Variants in NDST3 observed in about 807,000 individuals in gnomAD.
NDST3 encodes the protein bifunctional heparan sulfate N-deacetylase/N-sulfotransferase 3.
In NDST3, 58 loss-of-function variants were observed where a neutral mutation model predicts 96.1. That is an observed-to-expected ratio of 0.60 (90% CI 0.49 to 0.75). The LOEUF (loss-of-function observed/expected upper bound fraction) is 0.75. NDST3 is among the 30% of genes least tolerant of loss of function. NDST3 has a pLI of 0.00. For missense variants in NDST3, 788 were observed against 1,034.2 expected (o/e 0.76, Z 3.27); for synonymous variants, 333 against 359.7 (o/e 0.93, Z 0.84).
At chr4:118,101,810 A>G (rs1729787651) in intron 2 of NDST3, among the ~76,000 whole-genome samples, 1 of 152,168 alleles carries the variant, frequency 6.6e-6, no homozygotes, top group Non-Finnish European at 1.5e-5. Context: ...CAGTATTTAT[A>G]TTAGTCAAAA....
At position 118,257,290 on chromosome 4, in the gene NDST3, C is replaced by T. The variant is rs554719794; in HGVS notation, c.*1578C>T. 6.6e-6 allele frequency: 1 copy of T among 152,176 alleles called. No homozygotes were observed. The highest frequency in any genetic ancestry group is 6.6e-5 in the Admixed American group (1 of 15,266). The allele number at this position is 152,176 out of a possible 1,614,324, so 9.4% of individuals were successfully genotyped here. A position where few individuals can be genotyped will look rare whatever the true frequency, so the allele number is the denominator to read the frequency against. Reference sequence around the variant, plus strand: ...AGGAGCTGGGATTACAGCCATGCACCACCACGCCCGGGTAATTTTTGTATT... The same window carrying T: ...AGGAGCTGGGATTACAGCCATGCACTACCACGCCCGGGTAATTTTTGTATT... On this transcript the variant is annotated 3_prime_UTR_variant, in exon 14 of 14. Transcript: ENST00000296499.
At chr4:118,193,884 C>A (rs1424864148) in intron 6 of NDST3, 15 of 1,041,988 alleles carry the variant, frequency 1.4e-5, no homozygotes, top group Non-Finnish European at 2.1e-5. Context: ...TCATATTCTA[C>A]CCAGGACACA....
chr4:118,194,217 C>G (rs1560709581), intron 6 of NDST3: 2 of 732,644 alleles, frequency 2.7e-6, no homozygotes. Flanking sequence ...AAGAACTAGT[C>G]CTTGTAGCAC....
At chr4:118,154,847 CCTT>C (rs1220259802) in intron 6 of NDST3, among the ~76,000 whole-genome samples, 8 of 152,150 alleles carry the variant, frequency 5.3e-5, no homozygotes, top group African/African-American at 1.9e-4. Flanking sequence ...GATGTACATT[CCTT>C]CTTAATATGA....
intron 4 of NDST3, among the ~76,000 whole-genome samples, chr4:118,136,671 C>T (rs1733123332): frequency 6.6e-6 from 1 of 152,156 alleles, no homozygotes; most frequent in Non-Finnish European, 1.5e-5. Flanking sequence ...TACCACCCAT[C>T]CTCTTTCTCA....
At chr4:118,051,086 T>C (rs1725048589) in intron 1 of NDST3, among the ~76,000 whole-genome samples, 1 of 152,134 alleles carries the variant, frequency 6.6e-6, no homozygotes, top group Admixed American at 6.6e-5. Flanking sequence ...AATCATCTGA[T>C]CTTTGGCAAG....
intron 2 of NDST3, among the ~76,000 whole-genome samples, chr4:118,077,897 T>G (rs116764848): frequency 0.014 from 2,088 of 152,272 alleles, 49 homozygotes; most frequent in African/African-American, 0.047. Context: ...ATGGCCCACC[T>G]GGCTACCAGT....
At chr4:118,251,982 C>T (rs2126014716) in intron 12 of NDST3, among the ~76,000 whole-genome samples, 1 of 152,144 alleles carries the variant, frequency 6.6e-6, no homozygotes, top group South Asian at 2.1e-4. Context: ...TTTAAGTGTG[C>T]AGCCATTGCA....
At chr4:118,127,384 G>C (rs1732199203) in intron 4 of NDST3, among the ~76,000 whole-genome samples, 1 of 151,976 alleles carries the variant, frequency 6.6e-6, no homozygotes, top group Admixed American at 6.6e-5. Flanking sequence ...TGATAGACAG[G>C]GGTTCAGCTT....
rs10004607 is a variant in NDST3, at chr4:118,164,129, G to T, written c.1539+20445G>T. Among the ~76,000 whole-genome samples the T allele has an allele frequency of 1.3e-5, 2 of 152,040 alleles. 1 individual carries two copies. Among genetic ancestry groups the T allele is most frequent in the Non-Finnish European group, 2.9e-5 (2 of 68,012 alleles). On this transcript the variant is annotated intron_variant, in intron 6 of 13. Coordinates refer to ENST00000296499, the MANE Select transcript of NDST3 (RefSeq NM_004784.3). ...GTGGTAGGCTGGATAAAGAAAATGT[G>T]GTACATATACACCATGGAATACAAT...
intron 4 of NDST3, among the ~76,000 whole-genome samples, chr4:118,126,515 T>C (rs1330012416): frequency 1.1e-5 from 1 of 89,918 alleles, no homozygotes; most frequent in African/African-American, 2.8e-5. Context: ...TATGTATGTG[T>C]ATATATATAT....
At chr4:118,109,729 A>G (rs1239570641) in intron 3 of NDST3, among the ~76,000 whole-genome samples, 1 of 152,226 alleles carries the variant, frequency 6.6e-6, no homozygotes, top group Non-Finnish European at 1.5e-5. Context: ...GATAAAAAGT[A>G]ATTGAATTAT....
chr4:118,074,514 T>C (rs887824618), intron 2 of NDST3, among the ~76,000 whole-genome samples: 1 of 152,198 alleles, frequency 6.6e-6, no homozygotes, highest in Admixed American at 6.5e-5. Context: ...TTTGTCATTT[T>C]TGATCATTGT....
In NDST3 at chr4:118,114,889, A is replaced by G. The variant is rs376415599; in HGVS notation, c.1153A>G (p.Met385Val). 13 of 1,613,980 alleles carry G rather than the reference A, an allele frequency of 8.1e-6. No individual in the cohort carries two copies. The African/African-American group carries it at 1.6e-4, about 20-fold the overall frequency. ...GTGGTTTCCTCACATGTGGAGCCAT[A>G]TGCAGCCCCACCTCTTCCACAATGA... ...FWWFPHMWSH[M>V]QPHLFHNESS... is the part of the protein sequence containing the mutation. Residue 385 changes from methionine to valine, a missense_variant, in exon 4 of 14, where the codon ATG becomes GTG. Physicochemically the swap from Met to Val is conservative, Grantham distance 21. This residue lies in a region of NDST3 where 490 missense variants were observed against 708.8 expected (regional missense o/e 0.69). Coordinates refer to ENST00000296499, the MANE Select transcript of NDST3 (RefSeq NM_004784.3).
chr4:118,188,994 A>T (rs1305194223), intron 6 of NDST3, among the ~76,000 whole-genome samples: 1 of 152,184 alleles, frequency 6.6e-6, no homozygotes, highest in Non-Finnish European at 1.5e-5. Context: ...ACTGAGATAT[A>T]TTAGAATTTT....
intron 6 of NDST3, among the ~76,000 whole-genome samples, chr4:118,168,630 C>T (rs992630466): frequency 6.6e-6 from 1 of 152,124 alleles, no homozygotes; most frequent in Non-Finnish European, 1.5e-5. Flanking sequence ...GGGTATACAT[C>T]CAAAAAAACT....
chr4:118,225,887 A>T (rs532791149), intron 7 of NDST3, among the ~76,000 whole-genome samples: 2 of 152,322 alleles, frequency 1.3e-5, no homozygotes, highest in Non-Finnish European at 2.9e-5. Context: ...ACCACGAAAC[A>T]TCACCAAATG....
intron 6 of NDST3, among the ~76,000 whole-genome samples, chr4:118,158,446 C>T (rs1734854114): frequency 6.6e-6 from 1 of 152,072 alleles, no homozygotes; most frequent in East Asian, 1.9e-4. Flanking sequence ...TATAGACATA[C>T]TCAAAGTATG....
intron 2 of NDST3, among the ~76,000 whole-genome samples, chr4:118,090,182 T>C (rs1728751210): frequency 6.6e-6 from 1 of 152,014 alleles, no homozygotes; most frequent in Admixed American, 6.6e-5. Context: ...TACACCTATA[T>C]AACTAGCACA....
Sources: allele counts gnomAD v4.1 joint callset (sites outside exome capture counted in the v4.1 genomes callset), GRCh38; gene constraint gnomAD v4.1.1; regional missense constraint gnomAD v4.1.1; transcripts MANE v1.5; gene names NCBI Gene and HGNC (gene_info 2026-07-23, HGNC 2026-07-21).